PRDM16: variants seen among roughly 807,000 people sequenced by gnomAD.
The protein encoded by PRDM16 is histone-lysine N-methyltransferase PRDM16.
Under a neutral mutation model 110.6 loss-of-function variants are expected in PRDM16, and 23 were observed. That is an observed-to-expected ratio of 0.21 (90% CI 0.15 to 0.29). The LOEUF (loss-of-function observed/expected upper bound fraction) is 0.29, where lower values mean the gene tolerates loss of function less well. Among genes scored for constraint, PRDM16 ranks in the 10% least tolerant of loss-of-function variants. PRDM16 has a pLI of 1.00. For missense variants in PRDM16, 1,615 were observed against 1,794.3 expected, an observed-to-expected ratio of 0.90 and a Z score of 1.81; for synonymous variants, 799 against 781.8, an observed-to-expected ratio of 1.02 and a Z score of -0.37.
intron 3 of PRDM16, among the ~76,000 whole-genome samples, chr1:3,273,976 T>TAAAA (rs927412647): frequency 0.021 from 1,409 of 68,504 alleles, 55 homozygotes; most frequent in African/African-American, 0.063. Context: ...TATGGGGAGG[T>TAAAA]AAAAAAAAAA....
chr1:3,245,746 G>A lies in PRDM16; in HGVS notation c.438+1609G>A, dbSNP rs975768433. On this transcript the variant is annotated intron_variant, in intron 3 of 16. Transcript: ENST00000270722. The surrounding 1 kb of genome is among the most constrained non-coding windows in gnomAD (Gnocchi z 4.7). Reference sequence around the variant, plus strand: ...TTAAATGAGTTCACATTTTCTTAAAGGACATAGAGGAGCAGGAAACAGTTA... The same window carrying A: ...TTAAATGAGTTCACATTTTCTTAAAAGACATAGAGGAGCAGGAAACAGTTA... Among the ~76,000 whole-genome samples the A allele has an allele frequency of 1.3e-5, 2 of 152,090 alleles. No individual in the cohort carries two copies. Among genetic ancestry groups the A allele is most frequent in the African/African-American group, 4.8e-5 (2 of 41,372 alleles).
At chr1:3,071,542 C>A (rs1479934421) in intron 1 of PRDM16, among the ~76,000 whole-genome samples, 1 of 152,246 alleles carries the variant, frequency 6.6e-6, no homozygotes, top group Admixed American at 6.5e-5. Flanking sequence ...GTGGCTGAGG[C>A]AGGTTCAGGA....
chr1:3,253,593 T>C (rs1639987765), intron 3 of PRDM16, among the ~76,000 whole-genome samples: 1 of 151,968 alleles, frequency 6.6e-6, no homozygotes. Flanking sequence ...CACATTTTCT[T>C]AATCCAGTCT....
At chr1:3,186,058 C>T in intron 1 of PRDM16, 67 bp from the exon 2 acceptor site, 1 of 1,375,724 alleles carries the variant, frequency 7.3e-7, no homozygotes, top group East Asian at 2.3e-5. Flanking sequence ...GTCCCCGGCG[C>T]TCCCTGAGCT....
chr1:3,436,962 C>T lies in PRDM16; in HGVS notation c.*3151C>T, dbSNP rs1223327907. On this transcript the variant is annotated 3_prime_UTR_variant, in exon 17 of 17. Coordinates refer to ENST00000270722, the MANE Select transcript of PRDM16 (RefSeq NM_022114.4). ...TCCTCGCACCTGCCCTCCGCTGCTC[C>T]TCAGACCCCAGCCCCCAGCGAGCCG... 1 of 227,896 alleles carries T rather than the reference C, an allele frequency of 4.4e-6. No individual in the cohort carries two copies. The highest frequency in any genetic ancestry group is 2.3e-5 in the African/African-American group (1 of 44,316). The allele number at this position is 227,896 out of a possible 1,614,324, so 14.1% of individuals were successfully genotyped here. A position where few individuals can be genotyped will look rare whatever the true frequency, so the allele number is the denominator to read the frequency against.
rs368750536 is a variant in PRDM16, at chr1:3,412,603, G to A, written c.2406G>A (p.Pro802=). 1,458 of 1,597,380 alleles carry A rather than the reference G, an allele frequency of 9.1e-4. No homozygotes were observed. Among genetic ancestry groups the A allele is most frequent in the Non-Finnish European group, 1.1e-3 (1,341 of 1,171,366 alleles). ...CCCCCGCATCCGGCGAGGAGCAGCCGCTGGACCTGAGCATCGGCAGCCGGG... is the reference window on the plus strand; with the variant it reads ...CCCCCGCATCCGGCGAGGAGCAGCCACTGGACCTGAGCATCGGCAGCCGGG... ...PSAPASGEEQ[P]LDLSIGSRAR... Residue 802 remains proline (P), a synonymous_variant, in exon 9 of 17, where the codon CCG becomes CCA. Transcript: ENST00000270722.
intron 2 of PRDM16, among the ~76,000 whole-genome samples, chr1:3,227,875 G>C (rs1399128279): frequency 6.6e-6 from 1 of 152,232 alleles, no homozygotes; most frequent in African/African-American, 2.4e-5. Context: ...TTTAGAGCCG[G>C]CGTTCTCTCT....
chr1:3,075,113 G>A (rs551219017), intron 1 of PRDM16, among the ~76,000 whole-genome samples: 63 of 152,386 alleles, frequency 4.1e-4, no homozygotes, highest in Non-Finnish European at 7.6e-4. Flanking sequence ...CGCCTGGCCG[G>A]CCTAGCCTGA....
chr1:3,402,643 G>A (rs1398029462), intron 5 of PRDM16, 148 bp from the exon 6 acceptor site: 1 of 662,726 alleles, frequency 1.5e-6, no homozygotes, highest in African/African-American at 1.8e-5. Context: ...GCCCCAAGTT[G>A]AAGGCTGGAA....
At chr1:3,429,872 G>A (rs1384238545) in intron 14 of PRDM16, among the ~76,000 whole-genome samples, 4 of 152,242 alleles carry the variant, frequency 2.6e-5, no homozygotes, top group South Asian at 2.1e-4. Context: ...CACGGAGGTC[G>A]GTCGCCGTGA....
At chr1:3,346,305 T>A (rs1171586382) in intron 3 of PRDM16, among the ~76,000 whole-genome samples, 1 of 152,168 alleles carries the variant, frequency 6.6e-6, no homozygotes, top group Non-Finnish European at 1.5e-5. Flanking sequence ...GAGTTCTGTG[T>A]GACATAGGCT....
chr1:3,286,340 GC>G (rs1275321648), intron 3 of PRDM16, among the ~76,000 whole-genome samples: 1 of 152,240 alleles, frequency 6.6e-6, no homozygotes, highest in African/African-American at 2.4e-5. Flanking sequence ...AGAGAGCACA[GC>G]GTCCCCACAG....
intron 2 of PRDM16, among the ~76,000 whole-genome samples, chr1:3,226,697 A>G (rs1261922716): frequency 1.3e-5 from 2 of 152,324 alleles, no homozygotes; most frequent in Admixed American, 6.5e-5. Context: ...GGCCATGCCA[A>G]CTGCAGAGAG....
intron 1 of PRDM16, among the ~76,000 whole-genome samples, chr1:3,154,478 A>G (rs1643829294): frequency 6.6e-6 from 1 of 152,172 alleles, no homozygotes; most frequent in African/African-American, 2.4e-5. Context: ...GGGCTGCAGC[A>G]TGGAGCTGTG....
intron 3 of PRDM16, among the ~76,000 whole-genome samples, chr1:3,340,220 C>T (rs1642244219): frequency 6.6e-6 from 1 of 152,096 alleles, no homozygotes; most frequent in Non-Finnish European, 1.5e-5. Flanking sequence ...TACCTGGGCC[C>T]TTTGCACACT....
At chr1:3,416,851 A>C (rs1042799727) in intron 10 of PRDM16, among the ~76,000 whole-genome samples, 2 of 151,612 alleles carry the variant, frequency 1.3e-5, no homozygotes, top group Admixed American at 6.6e-5. Flanking sequence ...GATGATGAAC[A>C]CTCTTCCTTT....
intron 1 of PRDM16, among the ~76,000 whole-genome samples, chr1:3,127,122 A>G (rs1643225129): frequency 6.6e-6 from 1 of 152,240 alleles, no homozygotes; most frequent in African/African-American, 2.4e-5. Flanking sequence ...GAAAAGAGAG[A>G]GAGGCCCAGA....
chr1:3,232,203 C>T (rs1639433513), intron 2 of PRDM16, among the ~76,000 whole-genome samples: 1 of 152,340 alleles, frequency 6.6e-6, no homozygotes, highest in African/African-American at 2.4e-5. Context: ...ATCCATCTCC[C>T]TCACTTCTCC....
intron 4 of PRDM16, among the ~76,000 whole-genome samples, chr1:3,391,342 A>G (rs1643297373): frequency 6.6e-6 from 1 of 152,134 alleles, no homozygotes; most frequent in Non-Finnish European, 1.5e-5. Context: ...CCCCTTTGGA[A>G]CAAACTGATC....
Sources: gnomAD v4.1 joint callset for allele counts (sites outside exome capture counted in the v4.1 genomes callset) on GRCh38, gnomAD v4.1.1 for gene constraint, Gnocchi (gnomAD v3.1) non-coding constraint, MANE v1.5 for transcripts, NCBI Gene and HGNC (gene_info 2026-07-23, HGNC 2026-07-21) for gene names.